OSBPL1A: variants seen among roughly 807,000 people sequenced by gnomAD.
The protein encoded by OSBPL1A is oxysterol-binding protein-related protein 1.
A neutral mutation model predicts 137.1 loss-of-function variants in OSBPL1A; 80 were observed. That is an observed-to-expected ratio of 0.58 (90% confidence interval 0.49 to 0.70). The LOEUF is 0.70. Ranked by LOEUF, OSBPL1A falls within the 30% of genes least tolerant of loss-of-function variation. The pLI is 0.00. For synonymous variants in OSBPL1A, 365 were observed against 389.7 expected (o/e 0.94, Z 0.75); for missense variants, 970 against 1,129.4 (o/e 0.86, Z 2.02).
At chr18:24,279,536 A>G (rs1027371406) in intron 15 of OSBPL1A, among the ~76,000 whole-genome samples, 8 of 152,242 alleles carry the variant, frequency 5.3e-5, no homozygotes, top group Non-Finnish European at 8.8e-5. Flanking sequence ...AATTTCATCT[A>G]TCTTCTTTTA....
At position 24,305,245 on chromosome 18, in the gene OSBPL1A, G is replaced by A. The variant is rs142010585; in HGVS notation, c.1093-1527C>T. Among the ~76,000 whole-genome samples the A allele has an allele frequency of 7.6e-4, 115 of 152,256 alleles. 1 individual carries two copies. The highest frequency in any genetic ancestry group is 2.6e-3 in the African/African-American group (109 of 41,538). On this transcript the variant is annotated intron_variant, in intron 13 of 27. Transcript: ENST00000319481. ...TTTTCCTAAGTTATAATTAAAGGCA[G>A]GAAACACCTTCTATAGCATCATCTT...
intron 18 of OSBPL1A, among the ~76,000 whole-genome samples, chr18:24,194,765 C>T (rs1387301391): frequency 3.9e-5 from 6 of 152,166 alleles, no homozygotes; most frequent in Non-Finnish European, 8.8e-5. Context: ...GATGCTAGTT[C>T]TACACTGGAT....
At chr18:24,325,273 C>T (rs1382183187) in intron 7 of OSBPL1A, among the ~76,000 whole-genome samples, 3 of 152,220 alleles carry the variant, frequency 2.0e-5, no homozygotes, top group African/African-American at 7.2e-5. Context: ...TCCAACCACA[C>T]TCACATACCA....
At chr18:24,351,078 T>G (rs1212864138) in intron 4 of OSBPL1A, among the ~76,000 whole-genome samples, 2 of 152,052 alleles carry the variant, frequency 1.3e-5, no homozygotes, top group Non-Finnish European at 2.9e-5. Context: ...CTGGGCACGG[T>G]GGCTCACACT....
chr18:24,363,305 T>C (rs2091652173), intron 4 of OSBPL1A, among the ~76,000 whole-genome samples: 1 of 152,208 alleles, frequency 6.6e-6, no homozygotes, highest in East Asian at 1.9e-4. Flanking sequence ...TCCTTGCTTT[T>C]CCCGTTGCTA....
chr18:24,308,072 T>A (rs1248324062), intron 13 of OSBPL1A, among the ~76,000 whole-genome samples: 1 of 151,954 alleles, frequency 6.6e-6, no homozygotes, highest in Admixed American at 6.6e-5. Context: ...AAAAGCTTTA[T>A]CTTATTTTCT....
chr18:24,260,742 G>A (rs2089425138), intron 15 of OSBPL1A, among the ~76,000 whole-genome samples: 1 of 151,120 alleles, frequency 6.6e-6, no homozygotes, highest in Non-Finnish European at 1.5e-5. Flanking sequence ...ACTGCACACT[G>A]TGAATGTATT....
At chr18:24,282,660 C>G (rs942492022) in intron 14 of OSBPL1A, among the ~76,000 whole-genome samples, 4 of 152,122 alleles carry the variant, frequency 2.6e-5, no homozygotes, top group African/African-American at 9.7e-5. Context: ...AAGAAATGCA[C>G]TTAGTTGAAA....
intron 18 of OSBPL1A, among the ~76,000 whole-genome samples, chr18:24,183,430 T>C (rs1896369354): frequency 1.3e-5 from 2 of 150,816 alleles, no homozygotes; most frequent in Non-Finnish European, 2.9e-5. Flanking sequence ...TTTCTTTTTC[T>C]TTTTCTTTTT....
chr18:24,249,002 C>T (rs944505507), intron 15 of OSBPL1A, among the ~76,000 whole-genome samples: 61 of 152,356 alleles, frequency 4.0e-4, no homozygotes, highest in African/African-American at 1.5e-3. Flanking sequence ...TTCACTCCCA[C>T]GGTATGCTAC....
chr18:24,222,316 C>T (rs1403461885), intron 17 of OSBPL1A, among the ~76,000 whole-genome samples: 2 of 151,958 alleles, frequency 1.3e-5, no homozygotes, highest in Non-Finnish European at 2.9e-5. Flanking sequence ...AACATGGATC[C>T]AACAGTTTCA....
At chr18:24,187,101 A>T (rs1347352980) in intron 18 of OSBPL1A, among the ~76,000 whole-genome samples, 1 of 152,108 alleles carries the variant, frequency 6.6e-6, no homozygotes, top group Non-Finnish European at 1.5e-5. Flanking sequence ...ATACATTCAG[A>T]TTAGTCCACT....
chr18:24,231,029 T>C (rs2088258921), intron 16 of OSBPL1A, among the ~76,000 whole-genome samples: 1 of 152,004 alleles, frequency 6.6e-6, no homozygotes, highest in Non-Finnish European at 1.5e-5. Context: ...AGGTGGAGGA[T>C]CACTTAAGCC....
intron 7 of OSBPL1A, among the ~76,000 whole-genome samples, chr18:24,324,978 C>T (rs888538334): frequency 5.9e-5 from 9 of 151,394 alleles, no homozygotes; most frequent in Non-Finnish European, 8.8e-5. Context: ...CCCAGCCACG[C>T]GGGAGGCTGA....
At chr18:24,307,998 C>T (rs2090539097) in intron 13 of OSBPL1A, among the ~76,000 whole-genome samples, 1 of 152,048 alleles carries the variant, frequency 6.6e-6, no homozygotes, top group Admixed American at 6.6e-5. Context: ...GTTGGCTAGG[C>T]TTGTCTCGAA....
intron 4 of OSBPL1A, among the ~76,000 whole-genome samples, chr18:24,359,552 G>A (rs62088017): frequency 0.035 from 5,331 of 152,018 alleles, 127 homozygotes; most frequent in Non-Finnish European, 0.053. Flanking sequence ...AAATTAGCCA[G>A]GTACAGTGGC....
intron 7 of OSBPL1A, among the ~76,000 whole-genome samples, chr18:24,328,306 C>T (rs962108717): frequency 2.7e-5 from 4 of 148,626 alleles, no homozygotes; most frequent in Admixed American, 2.0e-4. Context: ...ATGATCCGCC[C>T]GCCTCAGCCT....
rs2086112258 is a variant in OSBPL1A at position 24,164,999 on chromosome 18, C to T, written c.2750+66G>A. On this transcript the variant is annotated intron_variant, in intron 27 of 27. Coordinates refer to ENST00000319481, the MANE Select transcript of OSBPL1A (RefSeq NM_080597.4). ...CTCTGGGGTCACAGTGTCTGGCATC[C>T]CTGCCTCGTCTGCACACAGCAGCCT... The T allele has an allele frequency of 2.4e-5, 36 of 1,515,798 alleles. No homozygotes were observed. In the South Asian group the frequency reaches 4.1e-4, roughly 17 times the overall value. The allele number at this position is 1,515,798 out of a possible 1,614,324, so 93.9% of individuals were successfully genotyped here.
chr18:24,239,850 T>TA (rs536638808), intron 15 of OSBPL1A, among the ~76,000 whole-genome samples: 96 of 151,986 alleles, frequency 6.3e-4, no homozygotes, highest in Non-Finnish European at 1.8e-4. Flanking sequence ...AAATAGTTGG[T>TA]AATAGTTGGT....
Sources: allele counts gnomAD v4.1 joint callset (sites outside exome capture counted in the v4.1 genomes callset), GRCh38; gene constraint gnomAD v4.1.1; transcripts MANE v1.5; gene names NCBI Gene and HGNC (gene_info 2026-07-23, HGNC 2026-07-21).